Variants in MPDZ observed in about 807,000 individuals in gnomAD.
The protein encoded by MPDZ is multiple PDZ domain crumbs cell polarity complex component.
Under a neutral mutation model 239.1 loss-of-function variants are expected in MPDZ, and 234 were observed. The observed-to-expected ratio is 0.98, with a 90% CI of 0.88 to 1.09. The LOEUF is 1.09. Ranked by LOEUF, MPDZ falls within the 50% of genes least tolerant of loss-of-function variation. MPDZ has a pLI of 0.00. For missense variants in MPDZ, 3,175 were observed against 2,510.0 expected (o/e 1.26, Z -5.66); for synonymous variants, 1,048 against 881.3 (o/e 1.19, Z -3.35).
At chr9:13,115,168 A>G in intron 40 of MPDZ, 80 bp downstream of exon 40, 1 of 1,233,202 alleles carries the variant, frequency 8.1e-7, no homozygotes, top group Non-Finnish European at 1.2e-6. Context: ...GACCTTGTAC[A>G]CAGACCCACA....
intron 22 of MPDZ, 93 bp from the exon 23 acceptor site, chr9:13,162,888 T>C: frequency 2.6e-6 from 2 of 782,430 alleles, no homozygotes; most frequent in Non-Finnish European, 4.2e-6. Flanking sequence ...CAAATCATAT[T>C]GTCCCTTTCT....
In MPDZ at chr9:13,219,527, G is replaced by A. The variant is rs760466449; in HGVS notation, c.1086+32C>T. 6.3e-6 allele frequency: 10 copies of A among 1,583,892 alleles called. No homozygotes were observed. The East Asian group carries it at 1.4e-4, about 21-fold the overall frequency. On this transcript the variant is annotated intron_variant, in intron 8 of 46. Transcript: ENST00000319217. The stretch of plus-strand genomic sequence containing the variant: ...GTCGTCATCTAAGTGTTATTTCTCT[G>A]ACTTTCACATTAACTACTCTTAACT...
intron 34 of MPDZ, 63 bp downstream of exon 34, chr9:13,126,453 A>C (rs1945128121): frequency 8.7e-7 from 1 of 1,151,092 alleles, no homozygotes; most frequent in Admixed American, 2.1e-5. Flanking sequence ...TCGCAGACAC[A>C]AACACTTTAA....
intron 1 of MPDZ, chr9:13,276,536 T>A (rs1440838941): frequency 1.3e-5 from 2 of 152,182 alleles, no homozygotes; most frequent in Admixed American, 1.3e-4. Context: ...CAAAAGTACA[T>A]ACAACTGTTT....
rs957836851 is a variant in MPDZ, at chr9:13,193,213, G to A, written c.1757C>T (p.Pro586Leu). The A allele has an allele frequency of 2.5e-6, 4 of 1,608,412 alleles. No homozygotes were observed. Among genetic ancestry groups the A allele is most frequent in the Non-Finnish European group, 3.4e-6 (4 of 1,176,490 alleles). Residue 586 changes from proline to leucine, a missense_variant, in exon 14 of 47, where the codon CCT becomes CTT. Physicochemically the swap from Pro to Leu is moderately conservative, Grantham distance 98 (BLOSUM62 -3). Transcript: ENST00000319217. ...HFIRSVLPEGPVGHSGKLFSG... is the reference protein window; with the variant it reads ...HFIRSVLPEGLVGHSGKLFSG... ...GAAGAGCTTCCCGCTGTGTCCAACA[G>A]GACCCTCTGGTAGAACAGATCGGAT... is the stretch of plus-strand genomic sequence containing the variant.
At chr9:13,118,407 C>A (rs949447274) in intron 39 of MPDZ, among the ~76,000 whole-genome samples, 6 of 152,098 alleles carry the variant, frequency 3.9e-5, no homozygotes, top group Non-Finnish European at 8.8e-5. Flanking sequence ...TTATATAAAC[C>A]TGAGAGGTGA....
chr9:13,249,450 G>A (rs911435741), intron 2 of MPDZ, among the ~76,000 whole-genome samples: 1 of 151,976 alleles, frequency 6.6e-6, no homozygotes, highest in African/African-American at 2.4e-5. Flanking sequence ...ATGTACATAC[G>A]TACATTTTCA....
chr9:13,123,027 T>C, intron 36 of MPDZ, 126 bp downstream of exon 36: 1 of 1,019,432 alleles, frequency 9.8e-7, no homozygotes, highest in South Asian at 2.7e-5. Context: ...TAAATTAAAA[T>C]AACAAATACA....
At chr9:13,224,233 AAACTCCCAC>A in intron 4 of MPDZ, 132 bp downstream of exon 4, 1 of 711,216 alleles carries the variant, frequency 1.4e-6, no homozygotes, top group Non-Finnish European at 2.3e-6. Flanking sequence ...TGAACCATCT[AAACTCCCAC>A]AAAACTGACT....
At position 13,206,112 on chromosome 9, in the gene MPDZ, A is replaced by G. The variant is rs767775635; in HGVS notation, c.1291-13T>C. 5 of 1,571,662 alleles carry G rather than the reference A, an allele frequency of 3.2e-6. No individual in the cohort carries two copies. In the African/African-American group the frequency reaches 6.9e-5, roughly 22 times the overall value. On this transcript the variant is annotated splice_polypyrimidine_tract_variant and intron_variant, in intron 10 of 46. Transcript: ENST00000319217. The stretch of plus-strand genomic sequence containing the variant: ...TTGTGCCATCTACCTGTGATTAAAA[A>G]AAAAAAAAAGCATGTTACATGTTAA...
chr9:13,204,924 AT>A (rs1956824261), intron 12 of MPDZ, 111 bp downstream of exon 12: 39 of 659,892 alleles, frequency 5.9e-5, no homozygotes, highest in Middle Eastern at 3.8e-4. Flanking sequence ...ACTTTTTGAA[AT>A]TTTTTTTAGT....
chr9:13,189,023 T>C, intron 16 of MPDZ, 30 bp from the exon 17 acceptor site: 1 of 1,586,774 alleles, frequency 6.3e-7, no homozygotes, highest in South Asian at 1.1e-5. Context: ...AAGAGTCAGC[T>C]CATTTTACAA....
chr9:13,259,523 G>C (rs773871066), intron 1 of MPDZ, among the ~76,000 whole-genome samples: 2 of 152,080 alleles, frequency 1.3e-5, no homozygotes, highest in African/African-American at 2.4e-5. Context: ...GAAAGGAAAA[G>C]AAATGAACAA....
intron 21 of MPDZ, among the ~76,000 whole-genome samples, chr9:13,174,418 T>C (rs1463671499): frequency 6.6e-6 from 1 of 152,174 alleles, no homozygotes; most frequent in East Asian, 1.9e-4. Context: ...CTTTGCAAAA[T>C]CTCTGCCTTA....
At chr9:13,199,881 T>G (rs992115534) in intron 12 of MPDZ, among the ~76,000 whole-genome samples, 1 of 152,110 alleles carries the variant, frequency 6.6e-6, no homozygotes, top group Admixed American at 6.6e-5. Context: ...GTTGAGGATT[T>G]TTGCAACTAC....
In MPDZ at chr9:13,140,098, G is replaced by C. The variant is rs375820309; in HGVS notation, c.3892C>G (p.Pro1298Ala). Residue 1298 changes from proline (P) to alanine (A), a missense_variant, in exon 28 of 47, where the codon CCC becomes GCC. Pro to Ala is a conservative substitution (Grantham distance 27, BLOSUM62 -1). Transcript: ENST00000319217. ...EPEKAPLCSV[P>A]PPPPSAFAEM... ...GCAAAGGCTGAAGGAGGGGGTGGGG[G>C]CACACTGCACAATGGAGCCTTCTCT... 6.2e-7 allele frequency: 1 copy of C among 1,613,270 alleles called. No individual in the cohort carries two copies. The highest frequency in any genetic ancestry group is 8.5e-7 in the Non-Finnish European group (1 of 1,179,748).
In MPDZ at chr9:13,157,079, A is replaced by T. The variant is rs564324834; in HGVS notation, c.3452+939T>A. On this transcript the variant is annotated intron_variant, in intron 24 of 46. Coordinates refer to ENST00000319217, the MANE Select transcript of MPDZ (RefSeq NM_001378778.1). ...AAAAATATTTAAATGTGATGGCTGC[A>T]GGTTATCACTGGTGGGCAGGGGACG... is the stretch of plus-strand genomic sequence containing the variant. 3.9e-5 allele frequency among the ~76,000 whole-genome samples: 6 copies of T among 152,314 alleles called. No homozygotes were observed. In the South Asian group the frequency reaches 1.0e-3, roughly 26 times the overall value.
At chr9:13,224,247 C>T in intron 4 of MPDZ, 127 bp downstream of exon 4, 1 of 863,192 alleles carries the variant, frequency 1.2e-6, no homozygotes, top group Middle Eastern at 3.1e-4. Context: ...TCCCACAAAA[C>T]TGACTTTTTG....
At chr9:13,237,262 G>A (rs1964294231) in intron 3 of MPDZ, among the ~76,000 whole-genome samples, 1 of 151,080 alleles carries the variant, frequency 6.6e-6, no homozygotes, top group Non-Finnish European at 1.5e-5. Context: ...GAGCAGCATG[G>A]CAAAAGCCCG....
Sources: gnomAD v4.1 joint callset for allele counts (sites outside exome capture counted in the v4.1 genomes callset) on GRCh38, gnomAD v4.1.1 for gene constraint, MANE v1.5 for transcripts, NCBI Gene and HGNC (gene_info 2026-07-23, HGNC 2026-07-21) for gene names.